PCSK9: variants seen among roughly 807,000 people sequenced by gnomAD.
The protein encoded by PCSK9 is proprotein convertase subtilisin/kexin type 9.
A neutral mutation model predicts 62.1 loss-of-function variants in PCSK9; 57 were observed. The ratio of observed to expected loss-of-function variants is 0.92; its 90% CI spans 0.74 to 1.14. PCSK9 has a LOEUF of 1.14. Among genes scored for constraint, PCSK9 ranks in the 50% most tolerant of loss-of-function variants. The pLI, the probability that PCSK9 is intolerant of heterozygous loss-of-function variation, is 0.00. For missense variants in PCSK9, 870 were observed against 959.8 expected (o/e 0.91, Z 1.24); for synonymous variants, 387 against 409.4 (o/e 0.95, Z 0.66).
chr1:55,052,365 A>T lies in PCSK9; in HGVS notation c.611A>T (p.Asp204Val). 1 of 1,613,806 alleles carries T rather than the reference A, an allele frequency of 6.2e-7. No individual in the cohort carries two copies. The highest frequency in any genetic ancestry group is 8.5e-7 in the Non-Finnish European group (1 of 1,180,004). ...REIEGRVMVT[D>V]FENVPEEDGT... is the part of the protein sequence containing the mutation. ...ATCGAGGGCAGGGTCATGGTCACCG[A>T]CTTCGAGAATGTGCCCGAGGAGGAC... is the stretch of plus-strand genomic sequence containing the variant. The change falls in exon 4 of 12, where the codon GAC (aspartate) becomes GTC (valine). Residue 204 changes from aspartate (D) to valine (V), a missense_variant. Asp to Val is a radical substitution (Grantham distance 152). Transcript: ENST00000302118.
At position 55,063,418 on chromosome 1, in the gene PCSK9, T is replaced by TC. The variant is rs778555112; in HGVS notation, c.1916dup (p.Gly640TrpfsTer71). ...TGGACCCTGACTGGCTGCAGTGCCC[T>TC]CCCTGGGACCTCCCACGTCCTGGGG... On this transcript the variant is annotated frameshift_variant, in exon 12 of 12. Coordinates refer to ENST00000302118, the MANE Select transcript of PCSK9 (RefSeq NM_174936.4). LOFTEE classifies it low-confidence loss of function (END_TRUNC). 2 of 1,613,740 alleles carry TC rather than the reference T, an allele frequency of 1.2e-6. No individual in the cohort carries two copies. Among genetic ancestry groups the TC allele is most frequent in the African/African-American group, 2.7e-5 (2 of 74,916 alleles).
chr1:55,053,093 T>C (rs774329093), intron 5 of PCSK9, among the ~76,000 whole-genome samples: 9 of 152,146 alleles, frequency 5.9e-5, no homozygotes, highest in Non-Finnish European at 1.3e-4. Context: ...GATGTCTTTA[T>C]GTCTTTTGTT....
At chr1:55,042,040 G>A (rs777808429) in intron 1 of PCSK9, among the ~76,000 whole-genome samples, 2 of 152,034 alleles carry the variant, frequency 1.3e-5, no homozygotes, top group East Asian at 1.9e-4. Flanking sequence ...TCTGTCTCCC[G>A]GGTTCAAGTG....
At chr1:55,049,158 C>T (rs1398561370) in intron 3 of PCSK9, among the ~76,000 whole-genome samples, 3 of 152,196 alleles carry the variant, frequency 2.0e-5, no homozygotes, top group South Asian at 2.1e-4. Context: ...CTGGAGGAAG[C>T]GCTGTTCTAG....
chr1:55,053,903 T>A (rs1417530682), intron 5 of PCSK9, among the ~76,000 whole-genome samples: 1 of 152,160 alleles, frequency 6.6e-6, no homozygotes, highest in Non-Finnish European at 1.5e-5. Flanking sequence ...CTGGAGGACT[T>A]CCTGGAGAAG....
intron 3 of PCSK9, among the ~76,000 whole-genome samples, chr1:55,047,484 T>A (rs1223281476): frequency 1.3e-5 from 2 of 152,198 alleles, no homozygotes; most frequent in African/African-American, 4.8e-5. Context: ...GAAGCCACTT[T>A]CTTCTATGAG....
rs1017526725 is a variant in PCSK9 at position 55,040,877 on chromosome 1, G to A, written c.207+833G>A. On this transcript the variant is annotated intron_variant, in intron 1 of 11. Transcript: ENST00000302118. This position sits in a 1 kb window ranked among gnomAD's most constrained non-coding sequence, Gnocchi z 4.1. ...CAACTCTGCCAGCTTCTGGCCCTCA[G>A]GCTGTGGGAAGCTTCTTCCCGGGGC... 1.3e-5 allele frequency among the ~76,000 whole-genome samples: 2 copies of A among 152,190 alleles called. No homozygotes were observed. Among genetic ancestry groups the A allele is most frequent in the East Asian group, 3.9e-4 (2 of 5,180 alleles).
chr1:55,051,283 C>A lies in PCSK9; in HGVS notation c.524-995C>A, dbSNP rs779651692. ...AGACCCTGGGGCAGGAGCAGTTTGA[C>A]TGACAGCCCAGAGGGCTGCCCTCTG... On this transcript the variant is annotated intron_variant, in intron 3 of 11. Transcript: ENST00000302118. The A allele has an allele frequency of 5.1e-4, 228 of 449,570 alleles. 3 individuals carry two copies. In the Middle Eastern group the frequency reaches 5.3e-3, roughly 10 times the overall value. 27.8% of individuals were successfully genotyped at this position (449,570 alleles called of 1,614,324 possible). A position where few individuals can be genotyped will look rare whatever the true frequency, so the allele number is the denominator to read the frequency against.
chr1:55,043,934 C>G lies in PCSK9; in HGVS notation c.299C>G (p.Ala100Gly), dbSNP rs1484569818. The stretch of plus-strand genomic sequence containing the variant: ...GAGCGCACTGCCCGCCGCCTGCAGG[C>G]CCAGGCTGCCCGCCGGGGATACCTC... ...QSERTARRLQ[A>G]QAARRGYLTK... The change falls in exon 2 of 12, where the codon GCC (alanine) becomes GGC (glycine). Residue 100 changes from alanine (A) to glycine (G), a missense_variant. Physicochemically the swap from Ala to Gly is moderately conservative, Grantham distance 60. Transcript: ENST00000302118. 6.2e-7 allele frequency: 1 copy of G among 1,614,146 alleles called. No homozygotes were observed. The highest frequency in any genetic ancestry group is 2.2e-5 in the East Asian group (1 of 44,874).
At position 55,052,773 on chromosome 1, in the gene PCSK9, G is replaced by C. The variant is rs1644685409; in HGVS notation, c.781G>C (p.Val261Leu). 1 of 1,613,024 alleles carries C rather than the reference G, an allele frequency of 6.2e-7. No homozygotes were observed. Among genetic ancestry groups the C allele is most frequent in the Admixed American group, 1.7e-5 (1 of 60,006 alleles). Reference protein sequence around the residue: ...RVLNCQGKGTVSGTLIGLEFI... With the variant: ...RVLNCQGKGTLSGTLIGLEFI... ...GCTCAACTGCCAAGGGAAGGGCACG[G>C]TTAGCGGCACCCTCATAGGTAAGTG... is the stretch of plus-strand genomic sequence containing the variant. The change falls in exon 5 of 12, where the codon GTT (valine) becomes CTT (leucine). Residue 261 changes from valine (V) to leucine (L), a missense_variant. Coordinates refer to ENST00000302118, the MANE Select transcript of PCSK9 (RefSeq NM_174936.4).
chr1:55,046,613 C>T lies in PCSK9; in HGVS notation c.490C>T (p.Pro164Ser), dbSNP rs138876953. The T allele has an allele frequency of 4.3e-6, 7 of 1,614,106 alleles. No homozygotes were observed. The highest frequency in any genetic ancestry group is 5.9e-6 in the Non-Finnish European group (7 of 1,180,024). Reference protein sequence around the residue: ...IPWNLERITPPRYRADEYQPP... With the variant: ...IPWNLERITPSRYRADEYQPP... ...GTGGAACCTGGAGCGGATTACCCCT[C>T]CACGGTACCGGGCGGATGAATACCA... Residue 164 changes from proline to serine, a missense_variant, in exon 3 of 12, where the codon CCA becomes TCA. Pro to Ser is a moderately conservative substitution (Grantham distance 74). Coordinates refer to ENST00000302118, the MANE Select transcript of PCSK9 (RefSeq NM_174936.4).
chr1:55,046,952 C>G (rs1644639500), intron 3 of PCSK9, among the ~76,000 whole-genome samples: 1 of 152,178 alleles, frequency 6.6e-6, no homozygotes, highest in Admixed American at 6.5e-5. Flanking sequence ...GAGGGTTCAT[C>G]TGATGGTGAC....
chr1:55,063,577 T>G lies in PCSK9; in HGVS notation c.2072T>G (p.Leu691Arg), dbSNP rs748956735. The G allele has an allele frequency of 1.2e-6, 2 of 1,611,732 alleles. No individual in the cohort carries two copies. Among genetic ancestry groups the G allele is most frequent in the Non-Finnish European group, 1.7e-6 (2 of 1,179,704 alleles). The change falls in exon 12 of 12, where the codon CTC becomes CGC. Residue 691 changes from leucine (L) to arginine (R), a missense_variant. Transcript: ENST00000302118. ...SRHLAQASQE[L>R]Q ...CACCTGGCGCAGGCCTCCCAGGAGC[T>G]CCAGTGACAGCCCCATCCCAGGATG...
intron 3 of PCSK9, among the ~76,000 whole-genome samples, chr1:55,047,005 C>A (rs865850422): frequency 1.6e-4 from 24 of 152,312 alleles, no homozygotes; most frequent in Middle Eastern, 3.4e-3. Context: ...CAGTGCCCTG[C>A]AGACTGGACC....
rs763406953 is a variant in PCSK9 at position 55,058,095 on chromosome 1, A to C, written c.1240A>C (p.Arg414=). 52 of 1,613,628 alleles carry C rather than the reference A, an allele frequency of 3.2e-5. No homozygotes were observed. Among genetic ancestry groups the C allele is most frequent in the Non-Finnish European group, 4.2e-5 (50 of 1,180,030 alleles). ...PELTLAELRQ[R]LIHFSAKDVI... ...GCTCACCCTGGCCGAGTTGAGGCAGAGACTGATCCACTTCTCTGCCAAAGA... is the reference window on the plus strand; with the variant it reads ...GCTCACCCTGGCCGAGTTGAGGCAGCGACTGATCCACTTCTCTGCCAAAGA... Residue 414 remains arginine, a synonymous_variant, in exon 8 of 12, where the codon AGA becomes CGA. Transcript: ENST00000302118.
rs929399951 is a variant in PCSK9 at position 55,046,750 on chromosome 1, T to G, written c.523+104T>G. ...GGTGGTTTCCACTTCTCGGGGGGCT[T>G]TGGGACTCAGCACCTCCACTGACCC... On this transcript the variant is annotated intron_variant, in intron 3 of 11. Transcript: ENST00000302118. The G allele has an allele frequency of 7.8e-6, 11 of 1,407,866 alleles. No homozygotes were observed. In the African/African-American group the frequency reaches 9.9e-5, roughly 13 times the overall value. 87.2% of individuals were successfully genotyped at this position (1,407,866 alleles called of 1,614,324 possible).
chr1:55,052,882 T>C, intron 5 of PCSK9, 91 bp downstream of exon 5: 1 of 1,581,240 alleles, frequency 6.3e-7, no homozygotes, highest in Non-Finnish European at 8.6e-7. Flanking sequence ...TAATGTCTCC[T>C]AACCAAGAAT....
rs141901482 is a variant in PCSK9 at position 55,046,772 on chromosome 1, AC to A, written c.523+130del. 1.6e-3 allele frequency: 1,743 copies of A among 1,070,914 alleles called. 24 individuals are homozygous for A. In the African/African-American group the frequency reaches 0.026, roughly 16 times the overall value. The allele number at this position is 1,070,914 out of a possible 1,614,324, so 66.3% of individuals were successfully genotyped here. A position where few individuals can be genotyped will look rare whatever the true frequency, so the allele number is the denominator to read the frequency against. ...GCTTTGGGACTCAGCACCTCCACTG[AC>A]CCCTTTTTTTCTGTCCCATCCCCAT... On this transcript the variant is annotated intron_variant, in intron 3 of 11. Transcript: ENST00000302118.
rs141995194 is a variant in PCSK9, at chr1:55,058,589, A to G, written c.1445A>G (p.Glu482Gly). Reference sequence around the variant, plus strand: ...GTCGCCCGCTGCGCCCCAGATGAGGAGCTGCTGAGCTGCTCCAGTTTCTCC... The same window carrying G: ...GTCGCCCGCTGCGCCCCAGATGAGGGGCTGCTGAGCTGCTCCAGTTTCTCC... ...TAVARCAPDE[E>G]LLSCSSFSRS... The change falls in exon 9 of 12, where the codon GAG becomes GGG. Residue 482 changes from glutamate to glycine, a missense_variant. Physicochemically the swap from Glu to Gly is moderately conservative, Grantham distance 98 (BLOSUM62 -2). Transcript: ENST00000302118. 4.8e-5 allele frequency: 77 copies of G among 1,611,780 alleles called. No homozygotes were observed. The African/African-American group carries it at 9.7e-4, about 20-fold the overall frequency.
Sources: gnomAD v4.1 joint callset for allele counts (sites outside exome capture counted in the v4.1 genomes callset) on GRCh38, gnomAD v4.1.1 for gene constraint, Gnocchi (gnomAD v3.1) non-coding constraint, MANE v1.5 for transcripts, NCBI Gene and HGNC (gene_info 2026-07-23, HGNC 2026-07-21) for gene names.